Variants in SORCS1 observed in about 807,000 individuals in gnomAD.
SORCS1 encodes VPS10 domain-containing receptor SorCS1.
SORCS1 carries 60 observed loss-of-function variants against 146.1 expected under a neutral mutation model. That is an observed-to-expected ratio of 0.41 (90% CI 0.33 to 0.51). The LOEUF is 0.51. Ranked by LOEUF, SORCS1 falls within the 20% of genes least tolerant of loss-of-function variation. The pLI is 0.21. For synonymous variants in SORCS1, 637 were observed against 584.0 expected (o/e 1.09, Z -1.31); for missense variants, 1,352 against 1,487.6 (o/e 0.91, Z 1.50).
intron 4 of SORCS1, among the ~76,000 whole-genome samples, chr10:106,771,085 T>A (rs1859984689): frequency 6.6e-6 from 1 of 152,232 alleles, no homozygotes. Context: ...GCGTTCATGT[T>A]GGTTTCACAA....
chr10:107,029,634 T>A (rs1175583270), intron 1 of SORCS1, among the ~76,000 whole-genome samples: 1 of 152,170 alleles, frequency 6.6e-6, no homozygotes, highest in African/African-American at 2.4e-5. Flanking sequence ...GAAACTTTAT[T>A]TTGGTAAGAA....
At position 106,927,351 on chromosome 10, in the gene SORCS1, G is replaced by C. The variant is rs369880883; in HGVS notation, c.626+29162C>G. ...AGTGTTACAGCTTTTAAGGCGGCGCGTCTGGAGTTGTTCCTTCCTCCCGGT... is the reference window on the plus strand; with the variant it reads ...AGTGTTACAGCTTTTAAGGCGGCGCCTCTGGAGTTGTTCCTTCCTCCCGGT... On this transcript the variant is annotated intron_variant, in intron 2 of 25. Transcript: ENST00000263054. Among the ~76,000 whole-genome samples the C allele has an allele frequency of 9.2e-5, 14 of 152,060 alleles. No homozygotes were observed. In the South Asian group the frequency reaches 2.7e-3, roughly 29 times the overall value.
At chr10:106,815,569 G>C (rs1947697412) in intron 3 of SORCS1, among the ~76,000 whole-genome samples, 1 of 152,124 alleles carries the variant, frequency 6.6e-6, no homozygotes, top group African/African-American at 2.4e-5. Flanking sequence ...ACTGGTACCT[G>C]GGTAAGAGAA....
At chr10:106,620,330 TAC>T in intron 20 of SORCS1, 96 bp downstream of exon 20, 2 of 1,467,772 alleles carry the variant, frequency 1.4e-6, no homozygotes, top group Admixed American at 4.5e-5. Context: ...CAACTGCTTC[TAC>T]ACTCTAGGGT....
intron 24 of SORCS1, among the ~76,000 whole-genome samples, chr10:106,595,136 A>G (rs1845831729): frequency 6.6e-6 from 1 of 152,182 alleles, no homozygotes; most frequent in Admixed American, 6.6e-5. Flanking sequence ...CAGGACCATC[A>G]AATGCCCTGA....
chr10:106,963,033 C>T (rs1045177646), intron 1 of SORCS1, among the ~76,000 whole-genome samples: 1 of 150,476 alleles, frequency 6.6e-6, no homozygotes, highest in African/African-American at 2.4e-5. Flanking sequence ...TAATAAGGAG[C>T]CTGAAGAGAT....
chr10:106,841,103 C>G (rs1325483342), intron 2 of SORCS1, among the ~76,000 whole-genome samples: 1 of 151,914 alleles, frequency 6.6e-6, no homozygotes, highest in Non-Finnish European at 1.5e-5. Context: ...ATCCGCCTGC[C>G]TCGGCCTCCA....
intron 1 of SORCS1, among the ~76,000 whole-genome samples, chr10:107,033,675 CAG>C (rs1376801312): frequency 1.3e-5 from 2 of 152,214 alleles, no homozygotes; most frequent in African/African-American, 2.4e-5. Context: ...GACTACAGAT[CAG>C]AGAGATTAAA....
intron 1 of SORCS1, among the ~76,000 whole-genome samples, chr10:107,074,924 C>A (rs1253930054): frequency 1.3e-5 from 2 of 152,014 alleles, no homozygotes; most frequent in Non-Finnish European, 2.9e-5. Flanking sequence ...AAAGTATATT[C>A]TCTGACTGTT....
At chr10:107,070,529 A>G (rs1450828551) in intron 1 of SORCS1, among the ~76,000 whole-genome samples, 2 of 152,220 alleles carry the variant, frequency 1.3e-5, no homozygotes, top group East Asian at 1.9e-4. Context: ...CATTTAAAGC[A>G]TCTTTCCCTA....
At chr10:106,788,271 C>A (rs568363106) in intron 3 of SORCS1, among the ~76,000 whole-genome samples, 1 of 152,134 alleles carries the variant, frequency 6.6e-6, no homozygotes, top group Non-Finnish European at 1.5e-5. Flanking sequence ...TAAAGCCTAA[C>A]CATATCATTC....
At chr10:106,728,178 C>T (rs546672216) in intron 6 of SORCS1, among the ~76,000 whole-genome samples, 9 of 152,196 alleles carry the variant, frequency 5.9e-5, no homozygotes, top group South Asian at 4.2e-4. Context: ...ACAACAGGCA[C>T]GCACCACCAC....
intron 1 of SORCS1, among the ~76,000 whole-genome samples, chr10:106,976,334 T>TTTTTTTTG (rs1564877892): frequency 0.013 from 918 of 69,886 alleles, 19 homozygotes; most frequent in African/African-American, 0.059. Flanking sequence ...GGTTTTTTTG[T>TTTTTTTTG]TTTTTTTTTT....
chr10:106,940,454 G>T (rs938994030), intron 2 of SORCS1, among the ~76,000 whole-genome samples: 1 of 152,152 alleles, frequency 6.6e-6, no homozygotes, highest in Admixed American at 6.5e-5. Flanking sequence ...TCCTGGTAAA[G>T]GTAAGAGATG....
chr10:107,094,978 C>T (rs1964448713), intron 1 of SORCS1, among the ~76,000 whole-genome samples: 1 of 152,174 alleles, frequency 6.6e-6, no homozygotes, highest in Non-Finnish European at 1.5e-5. Flanking sequence ...AGAAGGCAGT[C>T]TTTCAGAGTG....
intron 23 of SORCS1, among the ~76,000 whole-genome samples, chr10:106,602,823 T>C (rs1330284006): frequency 6.6e-6 from 1 of 152,220 alleles, no homozygotes; most frequent in African/African-American, 2.4e-5. Flanking sequence ...TCTGGACTGA[T>C]AAGCAAAATG....
intron 3 of SORCS1, among the ~76,000 whole-genome samples, chr10:106,800,614 C>T (rs1337347349): frequency 2.7e-5 from 4 of 150,896 alleles, no homozygotes; most frequent in African/African-American, 4.9e-5. Context: ...CTCCACCTCC[C>T]GGGTTCATGC....
intron 3 of SORCS1, among the ~76,000 whole-genome samples, chr10:106,824,311 G>C (rs1375479232): frequency 6.8e-6 from 1 of 146,824 alleles, no homozygotes; most frequent in South Asian, 2.2e-4. Flanking sequence ...AAAAAAAAAG[G>C]CTGGGTGTGG....
chr10:107,017,263 T>G (rs754878467), intron 1 of SORCS1, among the ~76,000 whole-genome samples: 2 of 152,128 alleles, frequency 1.3e-5, no homozygotes, highest in South Asian at 4.1e-4. Flanking sequence ...CCATAAACCA[T>G]GAAACTGATA....
Sources: gnomAD v4.1 joint callset for allele counts (sites outside exome capture counted in the v4.1 genomes callset) on GRCh38, gnomAD v4.1.1 for gene constraint, MANE v1.5 for transcripts, NCBI Gene and HGNC (gene_info 2026-07-23, HGNC 2026-07-21) for gene names.